Variants in THSD7B observed in about 807,000 individuals in gnomAD.
THSD7B encodes thrombospondin type-1 domain-containing protein 7B.
A neutral mutation model predicts 213.6 loss-of-function variants in THSD7B; 138 were observed. The ratio of observed to expected loss-of-function variants is 0.65; its 90% confidence interval spans 0.56 to 0.74. THSD7B has a LOEUF of 0.74. Ranked by LOEUF, THSD7B falls within the 30% of genes least tolerant of loss-of-function variation. THSD7B has a pLI of 0.00. For synonymous variants in THSD7B, 742 were observed against 687.0 expected (o/e 1.08, Z -1.25); for missense variants, 1,931 against 1,991.5 (o/e 0.97, Z 0.58).
chr2:136,903,180 A>C (rs1348688809), intron 2 of THSD7B, among the ~76,000 whole-genome samples: 3 of 152,226 alleles, frequency 2.0e-5, no homozygotes. Context: ...AAAAAATATG[A>C]AATTAGATAA....
At chr2:137,630,519 T>G (rs1027505304) in intron 20 of THSD7B, among the ~76,000 whole-genome samples, 1 of 152,206 alleles carries the variant, frequency 6.6e-6, no homozygotes, top group African/African-American at 2.4e-5. Context: ...ATAGTAATAT[T>G]ATTAAAATAA....
rs1276023777 is a variant in THSD7B, at chr2:137,405,659, A to G, written c.2547A>G (p.Glu849=). 3 of 1,611,756 alleles carry G rather than the reference A, an allele frequency of 1.9e-6. No individual in the cohort carries two copies. Among genetic ancestry groups the G allele is most frequent in the Non-Finnish European group, 2.5e-6 (3 of 1,179,024 alleles). Residue 849 remains glutamate (E), a synonymous_variant, in exon 13 of 28, where the codon GAA becomes GAG. Coordinates refer to ENST00000409968, the MANE Select transcript of THSD7B (RefSeq NM_001316349.2). ...SDDNRSAEMM[E]CLKQTNGMPL... ...ACAACCGGTCAGCAGAAATGATGGA[A>G]TGCCTCAAGCAGACAAACGGCATGC... is the stretch of plus-strand genomic sequence containing the variant.
intron 2 of THSD7B, among the ~76,000 whole-genome samples, chr2:137,011,170 T>C (rs1292002982): frequency 6.6e-6 from 1 of 152,168 alleles, no homozygotes; most frequent in African/African-American, 2.4e-5. Context: ...TGCTTTGAAA[T>C]AGAGATTTTG....
intron 16 of THSD7B, among the ~76,000 whole-genome samples, chr2:137,569,481 C>A (rs1283827386): frequency 2.0e-5 from 3 of 152,142 alleles, no homozygotes; most frequent in African/African-American, 4.8e-5. Flanking sequence ...AGGGGATGGG[C>A]AATCACTTAC....
chr2:137,438,608 C>T (rs1687338541), intron 14 of THSD7B, among the ~76,000 whole-genome samples: 1 of 152,000 alleles, frequency 6.6e-6, no homozygotes. Context: ...CTGCAATAGT[C>T]CCTGCGATGG....
At chr2:137,562,594 T>TTGTGTGTGTG (rs72488766) in intron 15 of THSD7B, among the ~76,000 whole-genome samples, 2,848 of 145,056 alleles carry the variant, frequency 0.02, 69 homozygotes, top group African/African-American at 0.054. Flanking sequence ...GTATTTCTCT[T>TTGTGTGTGTG]TGTGTGTGTG....
At chr2:137,408,254 C>T (rs993774932) in intron 13 of THSD7B, among the ~76,000 whole-genome samples, 22 of 152,182 alleles carry the variant, frequency 1.4e-4, no homozygotes, top group African/African-American at 5.3e-4. Flanking sequence ...AACTTCTGGT[C>T]ACCTTGTAGA....
intron 21 of THSD7B, among the ~76,000 whole-genome samples, chr2:137,645,682 A>G (rs1442861447): frequency 6.6e-6 from 1 of 152,200 alleles, no homozygotes; most frequent in Non-Finnish European, 1.5e-5. Flanking sequence ...TAAAAAAAAA[A>G]AAAACCACTT....
chr2:137,257,008 C>A (rs957813690), intron 10 of THSD7B, among the ~76,000 whole-genome samples: 1 of 152,122 alleles, frequency 6.6e-6, no homozygotes, highest in African/African-American at 2.4e-5. Context: ...CACAGGGCAT[C>A]ACATGGTGAA....
intron 3 of THSD7B, among the ~76,000 whole-genome samples, chr2:137,067,086 T>C (rs1376650146): frequency 6.6e-6 from 1 of 152,176 alleles, no homozygotes; most frequent in African/African-American, 2.4e-5. Context: ...CATTTGTTCT[T>C]GCACATTGTC....
chr2:137,399,597 G>A (rs1478947358), intron 12 of THSD7B, among the ~76,000 whole-genome samples: 8 of 152,120 alleles, frequency 5.3e-5, no homozygotes, highest in Admixed American at 3.9e-4. Context: ...AGATGACTAG[G>A]TACTTTTATC....
In THSD7B at chr2:137,374,145, G is replaced by A. The variant is rs116809490; in HGVS notation, c.2501-31468G>A. Among the ~76,000 whole-genome samples, 1,456 of 151,670 alleles carry A rather than the reference G, an allele frequency of 9.6e-3. 28 individuals are homozygous for A. The highest frequency in any genetic ancestry group is 0.034 in the African/African-American group (1,407 of 41,416). ...AGGGAAGGTCATACATAGCTCTGTG[G>A]CATGAGGGGAGGGAGGGAGGGAGAG... On this transcript the variant is annotated intron_variant, in intron 12 of 27. Transcript: ENST00000409968.
At chr2:137,348,338 C>A (rs1212640827) in intron 12 of THSD7B, among the ~76,000 whole-genome samples, 1 of 151,682 alleles carries the variant, frequency 6.6e-6, no homozygotes, top group East Asian at 1.9e-4. Context: ...ACTGCAAGGC[C>A]AGATGTTCAT....
intron 12 of THSD7B, among the ~76,000 whole-genome samples, chr2:137,281,461 G>A (rs914340241): frequency 1.3e-5 from 2 of 151,736 alleles, no homozygotes; most frequent in African/African-American, 4.8e-5. Context: ...ACAACATGCA[G>A]GTTTGTTACA....
chr2:137,107,428 G>A (rs1030746159), intron 4 of THSD7B, among the ~76,000 whole-genome samples: 4 of 152,120 alleles, frequency 2.6e-5, no homozygotes, highest in East Asian at 1.9e-4. Context: ...GGAGAAATAC[G>A]TAACGTAGAT....
chr2:136,947,164 G>T (rs1410253514), intron 2 of THSD7B, among the ~76,000 whole-genome samples: 1 of 152,220 alleles, frequency 6.6e-6, no homozygotes, highest in Non-Finnish European at 1.5e-5. Context: ...GTCGCTAAGA[G>T]AAAGTCTTTC....
intron 27 of THSD7B, among the ~76,000 whole-genome samples, chr2:137,670,963 T>C (rs1170977725): frequency 6.6e-6 from 1 of 151,672 alleles, no homozygotes; most frequent in African/African-American, 2.4e-5. Context: ...GCTTGTCTTC[T>C]CTAATTTCAT....
chr2:136,901,754 C>T (rs1328828603), intron 2 of THSD7B, among the ~76,000 whole-genome samples: 1 of 152,184 alleles, frequency 6.6e-6, no homozygotes, highest in Non-Finnish European at 1.5e-5. Flanking sequence ...AGGATTTCTA[C>T]AAAGCAAGGA....
chr2:137,637,752 A>G (rs747467598), intron 20 of THSD7B, among the ~76,000 whole-genome samples: 1 of 152,206 alleles, frequency 6.6e-6, no homozygotes, highest in African/African-American at 2.4e-5. Context: ...AAATGGTTCT[A>G]TAGTATTGGC....
Sources: allele counts gnomAD v4.1 joint callset (sites outside exome capture counted in the v4.1 genomes callset), GRCh38; gene constraint gnomAD v4.1.1; transcripts MANE v1.5; gene names NCBI Gene and HGNC (gene_info 2026-07-23, HGNC 2026-07-21).